BASP1: variants seen among roughly 807,000 people sequenced by gnomAD.
The protein encoded by BASP1 is brain abundant membrane attached signal protein 1, also known as brain acid soluble protein 1.
Under a neutral mutation model 2.2 loss-of-function variants are expected in BASP1, and 1 was observed. The observed-to-expected ratio is 0.46, with a 90% confidence interval of 0.16 to 2.17. The LOEUF is 2.17. Among genes scored for constraint, BASP1 ranks in the 30% most tolerant of loss-of-function variants. The pLI, the probability that BASP1 is intolerant of heterozygous loss-of-function variation, is 0.27. For synonymous variants in BASP1, 187 were observed against 154.2 expected (o/e 1.21, Z -1.58); for missense variants, 352 against 327.2 (o/e 1.08, Z -0.58).
At chr5:17,233,421 C>G (rs77532908) in intron 1 of BASP1, among the ~76,000 whole-genome samples, 1,822 of 152,342 alleles carry the variant, frequency 0.012, 26 homozygotes, top group Non-Finnish European at 0.019. Flanking sequence ...CCCTAACATA[C>G]AGCTGATACT....
rs1740300016 is a variant in BASP1, at chr5:17,260,898, C to T, written c.-9-14310C>T. On this transcript the variant is annotated intron_variant, in intron 1 of 1. Transcript: ENST00000322611. This position sits in a 1 kb window ranked among gnomAD's most constrained non-coding sequence, Gnocchi z 4.2. ...ATATAAAAGGGTTAAGCAGGCCTGG[C>T]CTGGTGGTGGCTAACACCTGTAATC... Among the ~76,000 whole-genome samples the T allele has an allele frequency of 6.6e-6, 1 of 152,156 alleles. No individual in the cohort carries two copies. The highest frequency in any genetic ancestry group is 2.4e-5 in the African/African-American group (1 of 41,442).
At chr5:17,273,385 C>T (rs1023737163) in intron 1 of BASP1, among the ~76,000 whole-genome samples, 1 of 151,924 alleles carries the variant, frequency 6.6e-6, no homozygotes, top group African/African-American at 2.4e-5. Context: ...TGACCAATTG[C>T]CACCCCCTTT....
At position 17,218,621 on chromosome 5, in the gene BASP1, T is replaced by C. The variant is rs370917340; in HGVS notation, c.-10+811T>C. 7.5e-4 allele frequency among the ~76,000 whole-genome samples: 114 copies of C among 152,138 alleles called. 2 individuals carry two copies. In the East Asian group the frequency reaches 0.02, roughly 27 times the overall value. On this transcript the variant is annotated intron_variant, in intron 1 of 1. Coordinates refer to ENST00000322611, the MANE Select transcript of BASP1 (RefSeq NM_006317.5). ...CGGCCCGGGCCCGGGGGGTGTGGGC[T>C]TGAACCTGACAGCGCGCGGCCCTAA... is the stretch of plus-strand genomic sequence containing the variant.
chr5:17,265,335 T>C (rs572875996), intron 1 of BASP1, among the ~76,000 whole-genome samples: 4 of 152,306 alleles, frequency 2.6e-5, no homozygotes, highest in African/African-American at 9.6e-5. Context: ...CATTAAATAA[T>C]GGATGTAACC....
rs904637089 is a variant in BASP1, at chr5:17,251,574, C to A, written c.-9-23634C>A. Among the ~76,000 whole-genome samples the A allele has an allele frequency of 1.3e-5, 2 of 152,278 alleles. No homozygotes were observed. Among genetic ancestry groups the A allele is most frequent in the East Asian group, 3.9e-4 (2 of 5,182 alleles). ...AGCAGCAGGAGGAGGTAGGGAAGAA[C>A]AAAAGCTTTCTCAGAAGGCCATGCA... On this transcript the variant is annotated intron_variant, in intron 1 of 1. Coordinates refer to ENST00000322611, the MANE Select transcript of BASP1 (RefSeq NM_006317.5). The surrounding 1 kb of genome is among the most constrained non-coding windows in gnomAD (Gnocchi z 4.0).
At chr5:17,233,218 C>A (rs1032054424) in intron 1 of BASP1, among the ~76,000 whole-genome samples, 4 of 152,234 alleles carry the variant, frequency 2.6e-5, no homozygotes, top group African/African-American at 9.6e-5. Flanking sequence ...TTGTCTATAC[C>A]TGTGAGCTGG....
rs973498891 is a variant in BASP1 at position 17,251,096 on chromosome 5, A to G, written c.-9-24112A>G. ...GCTGATCTGGTAGTTGAGGGGTGTG[A>G]TCAAGTTTCCAGATTTCAGATATCC... On this transcript the variant is annotated intron_variant, in intron 1 of 1. Transcript: ENST00000322611. The surrounding 1 kb of genome is among the most constrained non-coding windows in gnomAD (Gnocchi z 4.0). 2.0e-5 allele frequency among the ~76,000 whole-genome samples: 3 copies of G among 152,334 alleles called. No individual in the cohort carries two copies.
chr5:17,224,406 TCTC>T (rs1488372150), intron 1 of BASP1, among the ~76,000 whole-genome samples: 1 of 142,526 alleles, frequency 7.0e-6, no homozygotes, highest in Non-Finnish European at 1.5e-5. Context: ...ACACTGTACT[TCTC>T]CTAAGCCTTG....
intron 1 of BASP1, among the ~76,000 whole-genome samples, chr5:17,223,228 A>G (rs1248197768): frequency 6.6e-6 from 1 of 152,160 alleles, no homozygotes; most frequent in Admixed American, 6.5e-5. Context: ...TCAGCCATTT[A>G]CTGGTTGTAT....
At chr5:17,233,135 T>C (rs1301560081) in intron 1 of BASP1, among the ~76,000 whole-genome samples, 1 of 152,208 alleles carries the variant, frequency 6.6e-6, no homozygotes, top group Non-Finnish European at 1.5e-5. Context: ...ATTTGCAAAA[T>C]TTTTATTTTC....
At chr5:17,257,470 T>C (rs1045356228) in intron 1 of BASP1, among the ~76,000 whole-genome samples, 4 of 152,312 alleles carry the variant, frequency 2.6e-5, no homozygotes, top group East Asian at 1.9e-4. Flanking sequence ...GGGAAATGGT[T>C]TTAGGTAAAT....
intron 1 of BASP1, among the ~76,000 whole-genome samples, chr5:17,243,859 A>G (rs1739921949): frequency 6.6e-6 from 1 of 152,202 alleles, no homozygotes; most frequent in Non-Finnish European, 1.5e-5. Flanking sequence ...CTGCCAGCAG[A>G]AAACAAAACA....
chr5:17,275,178 CGTTTT>C lies in BASP1; in HGVS notation c.-9-17_-9-13del, dbSNP rs755724980. 190 of 1,606,532 alleles carry C rather than the reference CGTTTT, an allele frequency of 1.2e-4. 1 individual carries two copies. The highest frequency in any genetic ancestry group is 1.6e-4 in the African/African-American group (12 of 74,594). On this transcript the variant is annotated intron_variant, in intron 1 of 1. Coordinates refer to ENST00000322611, the MANE Select transcript of BASP1 (RefSeq NM_006317.5). The surrounding 1 kb of genome is among the most constrained non-coding windows in gnomAD (Gnocchi z 5.3). ...GTCCCCACACTTGCCTAGTAACCGC[CGTTTT>C]GTTTTGTTTTGTGTTTGCTTCCAGA...
At chr5:17,247,117 A>C (rs1182425879) in intron 1 of BASP1, among the ~76,000 whole-genome samples, 1 of 152,180 alleles carries the variant, frequency 6.6e-6, no homozygotes, top group African/African-American at 2.4e-5. Context: ...TCCAGGAGGC[A>C]GAGGCTGCAG....
At chr5:17,254,484 GTAGT>G (rs2126509855) in intron 1 of BASP1, among the ~76,000 whole-genome samples, 1 of 152,282 alleles carries the variant, frequency 6.6e-6, no homozygotes, top group Non-Finnish European at 1.5e-5. Context: ...GGATTCTAGT[GTAGT>G]TTTTTTTGGA....
chr5:17,258,311 T>C (rs1416616037), intron 1 of BASP1, among the ~76,000 whole-genome samples: 1 of 152,234 alleles, frequency 6.6e-6, no homozygotes, highest in Non-Finnish European at 1.5e-5. Context: ...GGGATTTTCA[T>C]GTTTCAGGTT....
At chr5:17,268,399 G>GA (rs922544914) in intron 1 of BASP1, among the ~76,000 whole-genome samples, 1 of 152,184 alleles carries the variant, frequency 6.6e-6, no homozygotes, top group East Asian at 1.9e-4. Context: ...TGTAAGGTAA[G>GA]AAAAAATGTA....
chr5:17,249,237 G>A (rs1740052244), intron 1 of BASP1, among the ~76,000 whole-genome samples: 1 of 151,996 alleles, frequency 6.6e-6, no homozygotes, highest in Non-Finnish European at 1.5e-5. Flanking sequence ...TCCTGTGTGG[G>A]GTGCAGTAAA....
intron 1 of BASP1, among the ~76,000 whole-genome samples, chr5:17,248,291 G>A (rs1740034863): frequency 6.6e-6 from 1 of 152,124 alleles, no homozygotes; most frequent in Non-Finnish European, 1.5e-5. Flanking sequence ...AGCCTCTGTC[G>A]GTAGCTGGAT....
Sources: gnomAD v4.1 joint callset for allele counts (sites outside exome capture counted in the v4.1 genomes callset) on GRCh38, gnomAD v4.1.1 for gene constraint, Gnocchi (gnomAD v3.1) non-coding constraint, MANE v1.5 for transcripts, NCBI Gene and HGNC (gene_info 2026-07-23, HGNC 2026-07-21) for gene names.